The following EFCC1 variants were observed in gnomAD, a reference collection of about 807,000 sequenced individuals.
EFCC1 encodes EF-hand and coiled-coil domain-containing protein 1.
Under a neutral mutation model 52.1 loss-of-function variants are expected in EFCC1, and 50 were observed. That is an observed-to-expected ratio of 0.96 (90% CI 0.76 to 1.21). EFCC1 has a LOEUF of 1.21. Among genes scored for constraint, EFCC1 ranks in the 50% most tolerant of loss-of-function variants. The probability of loss-of-function intolerance (pLI) is 0.00; values close to 1 mark genes in which losing one functional copy is unlikely to be tolerated. For synonymous variants in EFCC1, 399 were observed against 396.5 expected, an observed-to-expected ratio of 1.01 and a Z score of -0.08; for missense variants, 837 against 867.3, an observed-to-expected ratio of 0.97 and a Z score of 0.44.
At chr3:129,015,777 C>T (rs1158460714) in intron 2 of EFCC1, among the ~76,000 whole-genome samples, 3 of 151,820 alleles carry the variant, frequency 2.0e-5, no homozygotes, top group Admixed American at 6.6e-5. Context: ...TGCTGCATCC[C>T]GCCCCCCTAC....
chr3:129,031,727 G>A (rs1946276547), intron 3 of EFCC1, among the ~76,000 whole-genome samples: 1 of 152,198 alleles, frequency 6.6e-6, no homozygotes. Context: ...GCTCTACAGT[G>A]ATTCACTTCA....
chr3:129,038,726 T>A, intron 6 of EFCC1, 105 bp from the exon 7 acceptor site: 1 of 1,115,604 alleles, frequency 9.0e-7, no homozygotes, highest in Non-Finnish European at 1.4e-6. Flanking sequence ...GCTTTATCTG[T>A]CCCCAGGGAG....
chr3:129,027,386 C>T (rs1472146008), intron 2 of EFCC1, among the ~76,000 whole-genome samples: 1 of 152,260 alleles, frequency 6.6e-6, no homozygotes, highest in Non-Finnish European at 1.5e-5. Context: ...GGCTCGCGGG[C>T]CCTCCAAGTG....
intron 6 of EFCC1, among the ~76,000 whole-genome samples, chr3:129,037,372 T>C (rs1946370934): frequency 1.3e-5 from 2 of 152,196 alleles, no homozygotes; most frequent in South Asian, 4.1e-4. Context: ...CAGAAAAGGA[T>C]AAATGGAAGA....
Position 129,040,712 on chromosome 3 carries a change from T to C in EFCC1, c.*864T>C, listed in dbSNP as rs1418993721. ...CCATGGGGGTGAAACCAGTGCTAAATGGAGGTAAAATAAAGTTTGTAAGAG... is the reference window on the plus strand; with the variant it reads ...CCATGGGGGTGAAACCAGTGCTAAACGGAGGTAAAATAAAGTTTGTAAGAG... On this transcript the variant is annotated 3_prime_UTR_variant, in exon 8 of 8. Transcript: ENST00000683648. This position sits in a 1 kb window ranked among gnomAD's most constrained non-coding sequence, Gnocchi z 4.4. The C allele has an allele frequency of 6.6e-6, 1 of 152,088 alleles. No homozygotes were observed. The highest frequency in any genetic ancestry group is 2.4e-5 in the African/African-American group (1 of 41,376). The allele number at this position is 152,088 out of a possible 1,614,324, so 9.4% of individuals were successfully genotyped here.
intron 6 of EFCC1, 120 bp from the exon 7 acceptor site, chr3:129,038,711 G>A (rs1946386742): frequency 1.1e-6 from 1 of 931,146 alleles, no homozygotes; most frequent in Non-Finnish European, 1.7e-6. Flanking sequence ...GAGGGTGGGG[G>A]AGGAGCTTTA....
intron 2 of EFCC1, among the ~76,000 whole-genome samples, chr3:129,023,478 G>A (rs552421137): frequency 2.6e-5 from 4 of 152,038 alleles, no homozygotes; most frequent in Non-Finnish European, 4.4e-5. Flanking sequence ...ACAGGCGCCC[G>A]CCACCATGCC....
chr3:129,026,361 A>G (rs1946108442), intron 2 of EFCC1, among the ~76,000 whole-genome samples: 1 of 151,978 alleles, frequency 6.6e-6, no homozygotes, highest in Non-Finnish European at 1.5e-5. Context: ...TTTAGGGAAT[A>G]GAAGAAGCAG....
At chr3:129,024,095 T>C (rs1356301445) in intron 2 of EFCC1, among the ~76,000 whole-genome samples, 1 of 152,224 alleles carries the variant, frequency 6.6e-6, no homozygotes, top group Non-Finnish European at 1.5e-5. Context: ...CTGTGCTAAC[T>C]GTCCTCAAGG....
chr3:129,039,636 G>T, intron 7 of EFCC1, 76 bp from the exon 8 acceptor site: 1 of 1,508,030 alleles, frequency 6.6e-7, no homozygotes, highest in Non-Finnish European at 8.9e-7. Context: ...CTGGGTCTCA[G>T]GAAGGAGGGA....
rs370355496 is a variant in EFCC1 at position 129,036,368 on chromosome 3, A to C, written c.1453-609A>C. Among the ~76,000 whole-genome samples, 59 of 152,330 alleles carry C rather than the reference A, an allele frequency of 3.9e-4. 1 individual carries two copies. Among genetic ancestry groups the C allele is most frequent in the East Asian group, 1.4e-3 (7 of 5,182 alleles). ...CCTCCATTGGTGCCAGGGGAAGGGAATGCCTCGTGCCTGGCATGCCTGCTT... is the reference window on the plus strand; with the variant it reads ...CCTCCATTGGTGCCAGGGGAAGGGACTGCCTCGTGCCTGGCATGCCTGCTT... On this transcript the variant is annotated intron_variant, in intron 5 of 7. Coordinates refer to ENST00000683648, the MANE Select transcript of EFCC1 (RefSeq NM_001377500.1).
intron 2 of EFCC1, among the ~76,000 whole-genome samples, chr3:129,027,566 A>G (rs1396470323): frequency 6.6e-6 from 1 of 152,166 alleles, no homozygotes; most frequent in African/African-American, 2.4e-5. Flanking sequence ...GCAAGGGGCC[A>G]TGGCTCCGAA....
rs1276128464 is a variant in EFCC1 at position 129,030,574 on chromosome 3, C to T, written c.981-129C>T. The T allele has an allele frequency of 7.0e-6, 8 of 1,139,440 alleles. No individual in the cohort carries two copies. In the South Asian group the frequency reaches 1.1e-4, roughly 15 times the overall value. 70.6% of individuals were successfully genotyped at this position (1,139,440 alleles called of 1,614,324 possible). On this transcript the variant is annotated intron_variant, in intron 2 of 7. Coordinates refer to ENST00000683648, the MANE Select transcript of EFCC1 (RefSeq NM_001377500.1). ...GAATCTGAGTATCTAGCACTTCCTCCTGGACTGTGGGAAGCTGACTCTGCC... is the reference window on the plus strand; with the variant it reads ...GAATCTGAGTATCTAGCACTTCCTCTTGGACTGTGGGAAGCTGACTCTGCC...
chr3:129,039,732 GCCAT>G lies in EFCC1; in HGVS notation c.1687_1690del (p.Ile563TrpfsTer63). 1 of 1,607,718 alleles carries G rather than the reference GCCAT, an allele frequency of 6.2e-7. No individual in the cohort carries two copies. Among genetic ancestry groups the G allele is most frequent in the East Asian group, 2.2e-5 (1 of 44,456 alleles). On this transcript the variant is annotated frameshift_variant, in exon 8 of 8. Coordinates refer to ENST00000683648, the MANE Select transcript of EFCC1 (RefSeq NM_001377500.1). LOFTEE classifies it low-confidence loss of function (END_TRUNC). ...TCCAGAGGGAAGGCCCAGCCCTGCA[GCCAT>G]CCTGGATGCCCTGCACCAAGCCTTG... is the stretch of plus-strand genomic sequence containing the variant.
intron 2 of EFCC1, among the ~76,000 whole-genome samples, chr3:129,017,442 C>T: frequency 6.6e-6 from 1 of 152,350 alleles, no homozygotes; most frequent in African/African-American, 2.4e-5. Flanking sequence ...CTTCTCTGCA[C>T]AAGCTCGCAC....
At chr3:129,032,144 C>G (rs1354852745) in intron 3 of EFCC1, among the ~76,000 whole-genome samples, 1 of 152,168 alleles carries the variant, frequency 6.6e-6, no homozygotes, top group Non-Finnish European at 1.5e-5. Flanking sequence ...ATGTGTCACA[C>G]CCCCTTCCTC....
intron 2 of EFCC1, among the ~76,000 whole-genome samples, chr3:129,021,885 T>C (rs1945860238): frequency 6.6e-6 from 1 of 151,760 alleles, no homozygotes; most frequent in Admixed American, 6.6e-5. Context: ...ATCACATTAA[T>C]TTTTTTTTGA....
Position 129,032,878 on chromosome 3 carries a change from G to T in EFCC1, c.1198G>T (p.Val400Leu), listed in dbSNP as rs1333919135. ...EGQAASDEEE[V>L]EEERWQEEKK... ...CCAGGCCGCCTCTGACGAGGAGGAG[G>T]TGGAGGAGGAGAGGTGGCAGGAGGA... Residue 400 changes from valine to leucine, a missense_variant, in exon 4 of 8, where the codon GTG (valine) becomes TTG (leucine). By Grantham distance (32) the Val-to-Leu change is conservative. Transcript: ENST00000683648. 2 of 1,551,516 alleles carry T rather than the reference G, an allele frequency of 1.3e-6. No individual in the cohort carries two copies. Among genetic ancestry groups the T allele is most frequent in the East Asian group, 2.4e-5 (1 of 40,924 alleles).
intron 5 of EFCC1, 139 bp downstream of exon 5, chr3:129,034,468 G>A: frequency 1.0e-6 from 1 of 978,536 alleles, no homozygotes; most frequent in Non-Finnish European, 1.5e-6. Context: ...GATTTCCTCT[G>A]ATTTAAATTT....
Sources: gnomAD v4.1 joint callset for allele counts (sites outside exome capture counted in the v4.1 genomes callset) on GRCh38, gnomAD v4.1.1 for gene constraint, Gnocchi (gnomAD v3.1) non-coding constraint, MANE v1.5 for transcripts, NCBI Gene and HGNC (gene_info 2026-07-23, HGNC 2026-07-21) for gene names.